EMILIN2: variants seen among roughly 807,000 people sequenced by gnomAD.
The protein encoded by EMILIN2 is elastin microfibril interfacer 2, also known as EMILIN-2.
In EMILIN2, 71 loss-of-function variants were observed where a neutral mutation model predicts 87.1. That is an observed-to-expected ratio of 0.82 (90% CI 0.67 to 0.99). The LOEUF (loss-of-function observed/expected upper bound fraction) is 0.99. Ranked by LOEUF, EMILIN2 falls within the 50% of genes least tolerant of loss-of-function variation. The pLI, the probability that EMILIN2 is intolerant of heterozygous loss-of-function variation, is 0.00. For missense variants in EMILIN2, 1,407 were observed against 1,371.8 expected (o/e 1.03, Z -0.40); for synonymous variants, 581 against 563.4 (o/e 1.03, Z -0.44).
At chr18:2,857,497 G>A (rs572258711) in intron 2 of EMILIN2, among the ~76,000 whole-genome samples, 25 of 152,314 alleles carry the variant, frequency 1.6e-4, no homozygotes, top group African/African-American at 5.3e-4. Context: ...CTAAACCATA[G>A]TGGTGACAAT....
rs139156936 is a variant in EMILIN2, at chr18:2,882,753, G to A, written c.258-2211G>A. 5.2e-3 allele frequency among the ~76,000 whole-genome samples: 791 copies of A among 152,152 alleles called. 3 individuals carry two copies. Among genetic ancestry groups the A allele is most frequent in the Non-Finnish European group, 8.4e-3 (571 of 67,968 alleles). On this transcript the variant is annotated intron_variant, in intron 2 of 7. Transcript: ENST00000254528. ...CAAAAAATAACCAGGCATGGTGGTG[G>A]GTGCCTGTAATCCCAGCTACTTGGG...
rs899225235 is a variant in EMILIN2 at position 2,894,191 on chromosome 18, G to A, written c.2359+1705G>A. 2.6e-5 allele frequency among the ~76,000 whole-genome samples: 4 copies of A among 152,046 alleles called. No homozygotes were observed. The highest frequency in any genetic ancestry group is 2.9e-5 in the Non-Finnish European group (2 of 67,986). On this transcript the variant is annotated intron_variant, in intron 4 of 7. Coordinates refer to ENST00000254528, the MANE Select transcript of EMILIN2 (RefSeq NM_032048.3). This position sits in a 1 kb window ranked among gnomAD's most constrained non-coding sequence, Gnocchi z 5.0. ...GTAGGCTAGAACGTGGGAAGCAGGC[G>A]AGCTCTGGCTTGGTCAGGGAGAGCC... is the stretch of plus-strand genomic sequence containing the variant.
In EMILIN2 at chr18:2,880,790, C is replaced by T. The variant is rs2076773488; in HGVS notation, c.258-4174C>T. ...TCTGTTTCATGTCCCCTGCCTGGTC[C>T]TCTTAGGAGGGTGGCCGATTCCCTG... On this transcript the variant is annotated intron_variant, in intron 2 of 7. Transcript: ENST00000254528. This position sits in a 1 kb window ranked among gnomAD's most constrained non-coding sequence, Gnocchi z 4.1. 6.6e-6 allele frequency among the ~76,000 whole-genome samples: 1 copy of T among 152,208 alleles called. No individual in the cohort carries two copies. The highest frequency in any genetic ancestry group is 2.1e-4 in the South Asian group (1 of 4,826).
intron 2 of EMILIN2, among the ~76,000 whole-genome samples, chr18:2,864,085 C>T (rs2076674361): frequency 6.6e-6 from 1 of 152,196 alleles, no homozygotes; most frequent in Non-Finnish European, 1.5e-5. Flanking sequence ...AGATCTTCCT[C>T]CATCCCTTTA....
chr18:2,847,073 C>A lies in EMILIN2; in HGVS notation c.-116C>A. ...GAGCACTGGTTGGAGCGCCGCGAAG[C>A]GCCCGAGCCTCTTGCCTTCGCGGGC... is the stretch of plus-strand genomic sequence containing the variant. On this transcript the variant is annotated 5_prime_UTR_variant, in exon 1 of 8. Coordinates refer to ENST00000254528, the MANE Select transcript of EMILIN2 (RefSeq NM_032048.3). The surrounding 1 kb of genome is among the most constrained non-coding windows in gnomAD (Gnocchi z 4.5). 1 of 1,076,736 alleles carries A rather than the reference C, an allele frequency of 9.3e-7. No individual in the cohort carries two copies. The highest frequency in any genetic ancestry group is 1.1e-6 in the Non-Finnish European group (1 of 881,464). 66.7% of individuals were successfully genotyped at this position (1,076,736 alleles called of 1,614,324 possible). A position where few individuals can be genotyped will look rare whatever the true frequency, so the allele number is the denominator to read the frequency against.
chr18:2,864,211 C>T (rs1341589546), intron 2 of EMILIN2, among the ~76,000 whole-genome samples: 1 of 152,138 alleles, frequency 6.6e-6, no homozygotes, highest in Non-Finnish European at 1.5e-5. Flanking sequence ...GAGCATTTAG[C>T]CCATTTACAT....
At chr18:2,897,719 G>T (rs2076869791) in intron 4 of EMILIN2, among the ~76,000 whole-genome samples, 1 of 152,112 alleles carries the variant, frequency 6.6e-6, no homozygotes, top group Non-Finnish European at 1.5e-5. Context: ...AACATTAGCT[G>T]GGTGTGGTGA....
intron 2 of EMILIN2, among the ~76,000 whole-genome samples, chr18:2,870,863 T>C (rs186858015): frequency 1.6e-3 from 242 of 152,350 alleles, no homozygotes; most frequent in African/African-American, 5.4e-3. Flanking sequence ...GGCTTGTAGA[T>C]GTCCGTCTTC....
In EMILIN2 at chr18:2,847,295, A is replaced by C; in HGVS notation, c.107A>C (p.Tyr36Ser). Residue 36 changes from tyrosine to serine, a missense_variant, in exon 1 of 8, where the codon TAT becomes TCT. By Grantham distance (144) the Tyr-to-Ser change is moderately radical. Coordinates refer to ENST00000254528, the MANE Select transcript of EMILIN2 (RefSeq NM_032048.3). This position sits in a 1 kb window ranked among gnomAD's most constrained non-coding sequence, Gnocchi z 4.5. ...GLCHAGPQPG[Y>S]PARPSARNKN... is the part of the protein sequence containing the mutation. ...TGCCACGCCGGCCCGCAGCCCGGGTATCCCGCGCGGCCCAGCGCCAGGAAC... is the reference window on the plus strand; with the variant it reads ...TGCCACGCCGGCCCGCAGCCCGGGTCTCCCGCGCGGCCCAGCGCCAGGAAC... 3 of 1,312,596 alleles carry C rather than the reference A, an allele frequency of 2.3e-6. No individual in the cohort carries two copies. The highest frequency in any genetic ancestry group is 2.9e-6 in the Non-Finnish European group (3 of 1,033,136). 81.3% of individuals were successfully genotyped at this position (1,312,596 alleles called of 1,614,324 possible).
chr18:2,908,301 C>G (rs1178861010), intron 5 of EMILIN2, among the ~76,000 whole-genome samples: 2 of 152,198 alleles, frequency 1.3e-5, no homozygotes, highest in Non-Finnish European at 2.9e-5. Flanking sequence ...CATCCAGCCA[C>G]CCACCCACAC....
intron 5 of EMILIN2, 102 bp downstream of exon 5, chr18:2,907,187 TC>T (rs1413665918): frequency 2.6e-6 from 3 of 1,163,188 alleles, no homozygotes; most frequent in Non-Finnish European, 3.2e-6. Context: ...GGTCCAGCCT[TC>T]GGGGGGGCAA....
chr18:2,883,118 TC>T (rs2076785338), intron 2 of EMILIN2, among the ~76,000 whole-genome samples: 1 of 151,930 alleles, frequency 6.6e-6, no homozygotes, highest in Non-Finnish European at 1.5e-5. Flanking sequence ...GCTTGGCGGG[TC>T]CTAGCTGTCG....
At position 2,880,706 on chromosome 18, in the gene EMILIN2, G is replaced by A. The variant is rs1218173270; in HGVS notation, c.258-4258G>A. On this transcript the variant is annotated intron_variant, in intron 2 of 7. Coordinates refer to ENST00000254528, the MANE Select transcript of EMILIN2 (RefSeq NM_032048.3). This position sits in a 1 kb window ranked among gnomAD's most constrained non-coding sequence, Gnocchi z 4.1. ...AGTTAGTTGACTGATTCTGTATCGA[G>A]TGAGCATCTCCCGTGTGCTCACAGC... Among the ~76,000 whole-genome samples the A allele has an allele frequency of 6.6e-6, 1 of 152,202 alleles. No individual in the cohort carries two copies. The highest frequency in any genetic ancestry group is 1.9e-4 in the East Asian group (1 of 5,194).
chr18:2,888,599 C>G (rs973854675), intron 3 of EMILIN2, among the ~76,000 whole-genome samples: 2 of 151,534 alleles, frequency 1.3e-5, no homozygotes, highest in African/African-American at 2.4e-5. Context: ...CCTGTAGTCC[C>G]AGCTACTCGG....
intron 2 of EMILIN2, among the ~76,000 whole-genome samples, chr18:2,872,317 A>G (rs558556243): frequency 6.0e-4 from 91 of 152,304 alleles, no homozygotes; most frequent in African/African-American, 2.1e-3. Flanking sequence ...GGAGACTATA[A>G]ATTTGAACAA....
intron 4 of EMILIN2, among the ~76,000 whole-genome samples, chr18:2,900,003 G>A (rs1005030262): frequency 3.3e-5 from 5 of 152,026 alleles, no homozygotes; most frequent in Non-Finnish European, 7.4e-5. Flanking sequence ...AAATTTAGAC[G>A]CATTTTCTAT....
rs117764023 is a variant in EMILIN2 at position 2,910,271 on chromosome 18, A to G, written c.2824+452A>G. Among the ~76,000 whole-genome samples the G allele has an allele frequency of 2.6e-3, 389 of 152,302 alleles. 3 individuals carry two copies. The highest frequency in any genetic ancestry group is 4.5e-3 in the Non-Finnish European group (308 of 68,008). On this transcript the variant is annotated intron_variant, in intron 7 of 7. Coordinates refer to ENST00000254528, the MANE Select transcript of EMILIN2 (RefSeq NM_032048.3). ...CTCCTAGTTTATGATGAACAGAGCCACAAGAGGGACTGCGCTCCCCAGAGG... is the reference window on the plus strand; with the variant it reads ...CTCCTAGTTTATGATGAACAGAGCCGCAAGAGGGACTGCGCTCCCCAGAGG...
At position 2,895,647 on chromosome 18, in the gene EMILIN2, C is replaced by G. The variant is rs559492812; in HGVS notation, c.2359+3161C>G. On this transcript the variant is annotated intron_variant, in intron 4 of 7. Coordinates refer to ENST00000254528, the MANE Select transcript of EMILIN2 (RefSeq NM_032048.3). ...GCCTCGGTGCTCCTCCACCTGGCCC[C>G]TCTCTCCATGTGGCCAACCTGGGCT... 5.3e-5 allele frequency among the ~76,000 whole-genome samples: 8 copies of G among 152,280 alleles called. No homozygotes were observed. In the South Asian group the frequency reaches 1.5e-3, roughly 28 times the overall value.
At chr18:2,849,987 C>T (rs1201214626) in intron 2 of EMILIN2, among the ~76,000 whole-genome samples, 1 of 151,926 alleles carries the variant, frequency 6.6e-6, no homozygotes, top group Non-Finnish European at 1.5e-5. Context: ...GGTGCAGTGG[C>T]GTGATCTTGG....
Sources: gnomAD v4.1 joint callset for allele counts (sites outside exome capture counted in the v4.1 genomes callset) on GRCh38, gnomAD v4.1.1 for gene constraint, Gnocchi (gnomAD v3.1) non-coding constraint, MANE v1.5 for transcripts, NCBI Gene and HGNC (gene_info 2026-07-23, HGNC 2026-07-21) for gene names.